The following PTPDC1 variants were observed in gnomAD, a reference collection of about 807,000 sequenced individuals.
PTPDC1 encodes protein tyrosine phosphatase domain containing 1, also known as protein tyrosine phosphatase domain-containing protein 1.
In PTPDC1, 53 loss-of-function variants were observed where a neutral mutation model predicts 75.3. That is an observed-to-expected ratio of 0.70 (90% CI 0.56 to 0.88). The LOEUF is 0.88. Ranked by LOEUF, PTPDC1 falls within the 40% of genes least tolerant of loss-of-function variation. The pLI, the probability that PTPDC1 is intolerant of heterozygous loss-of-function variation, is 0.00. For synonymous variants in PTPDC1, 349 were observed against 366.2 expected (o/e 0.95, Z 0.54); for missense variants, 925 against 998.6 (o/e 0.93, Z 0.99).
Position 94,097,647 on chromosome 9 carries a change from A to G in PTPDC1, c.1081A>G (p.Met361Val), listed in dbSNP as rs937463178. 2 of 1,614,136 alleles carry G rather than the reference A, an allele frequency of 1.2e-6. No individual in the cohort carries two copies. The highest frequency in any genetic ancestry group is 1.7e-6 in the Non-Finnish European group (2 of 1,180,026). ...CTTAGCGGAGAACAGGCCAGTGATG[A>G]TGAAGGATGTGTCCGAAGGACCTGG... is the stretch of plus-strand genomic sequence containing the variant. ...LDLAENRPVM[M>V]KDVSEGPGLS... Residue 361 changes from methionine to valine, a missense_variant, in exon 6 of 9, where the codon ATG becomes GTG. Met to Val is a conservative substitution (Grantham distance 21, BLOSUM62 1). Transcript: ENST00000620992.
chr9:94,084,413 A>G (rs1826988155), upstream of PTPDC1: 2 of 1,466,170 alleles, frequency 1.4e-6, no homozygotes, highest in South Asian at 2.8e-5. Context: ...CCAGTCAGCC[A>G]ATCTGAATGG....
chr9:94,076,785 A>G (rs982435287), intron 2 of PTPDC1, among the ~76,000 whole-genome samples: 4 of 152,058 alleles, frequency 2.6e-5, no homozygotes, highest in Non-Finnish European at 5.9e-5. Context: ...GCTTCATTTT[A>G]TTTACCCACC....
chr9:94,075,551 AAGGCT>A (rs995450224), intron 2 of PTPDC1, among the ~76,000 whole-genome samples: 1 of 152,212 alleles, frequency 6.6e-6, no homozygotes, highest in African/African-American at 2.4e-5. Context: ...TTCTGGGTTG[AAGGCT>A]TCTGCAGCAC....
At chr9:94,085,504 G>A in intron 2 of PTPDC1, 82 bp downstream of exon 2, 2 of 1,479,630 alleles carry the variant, frequency 1.4e-6, no homozygotes, top group Non-Finnish European at 1.9e-6. Flanking sequence ...TGAAGTGTGG[G>A]AGGAGCAGTG....
chr9:94,091,596 A>G (rs1235326229), intron 4 of PTPDC1, among the ~76,000 whole-genome samples: 10 of 152,156 alleles, frequency 6.6e-5, no homozygotes, highest in Non-Finnish European at 1.5e-4. Context: ...TGCTGGCCTC[A>G]TAAAATGAGT....
intron 1 of PTPDC1, among the ~76,000 whole-genome samples, chr9:94,062,107 A>G (rs1298331392): frequency 6.6e-6 from 1 of 152,080 alleles, no homozygotes; most frequent in African/African-American, 2.4e-5. Flanking sequence ...TGACTTCTTG[A>G]ATGTTTTGCT....
intron 1 of PTPDC1, among the ~76,000 whole-genome samples, chr9:94,050,527 C>T (rs887639569): frequency 2.0e-5 from 3 of 152,184 alleles, no homozygotes; most frequent in African/African-American, 4.8e-5. Flanking sequence ...TGCAGAACAG[C>T]GATATTGCTG....
At chr9:94,089,229 C>A in intron 4 of PTPDC1, among the ~76,000 whole-genome samples, 1 of 117,602 alleles carries the variant, frequency 8.5e-6, no homozygotes, top group Non-Finnish European at 1.7e-5. Context: ...TCCCTCCCCC[C>A]TCCCCCCACC....
At position 94,109,579 on chromosome 9, in the gene PTPDC1, A is replaced by T. The variant is rs924333851; in HGVS notation, c.*1635A>T. On this transcript the variant is annotated 3_prime_UTR_variant, in exon 9 of 9. Coordinates refer to ENST00000620992, the MANE Select transcript of PTPDC1 (RefSeq NM_001253829.2). The stretch of plus-strand genomic sequence containing the variant: ...AGAAACAATTGCATTATATCCAAAG[A>T]TACACTATAAAAATAGAGTTTTTAC... 3.9e-5 allele frequency: 6 copies of T among 152,182 alleles called. No individual in the cohort carries two copies. Among genetic ancestry groups the T allele is most frequent in the Non-Finnish European group, 7.3e-5 (5 of 68,038 alleles). 9.4% of individuals were successfully genotyped at this position (152,182 alleles called of 1,614,324 possible). A position where few individuals can be genotyped will look rare whatever the true frequency, so the allele number is the denominator to read the frequency against.
chr9:94,033,730 T>C (rs761830446), intron 1 of PTPDC1, among the ~76,000 whole-genome samples: 4 of 152,252 alleles, frequency 2.6e-5, no homozygotes, highest in Admixed American at 1.3e-4. Context: ...GTTCCTATCC[T>C]GCTGTAATAT....
At chr9:94,051,516 A>G (rs1024610264) in intron 1 of PTPDC1, among the ~76,000 whole-genome samples, 10 of 152,168 alleles carry the variant, frequency 6.6e-5, no homozygotes, top group African/African-American at 2.4e-4. Context: ...ACTTTCTGGG[A>G]GAGATTATAG....
intron 2 of PTPDC1, among the ~76,000 whole-genome samples, chr9:94,065,930 A>G (rs761391844): frequency 3.9e-5 from 6 of 152,216 alleles, no homozygotes; most frequent in Non-Finnish European, 7.3e-5. Flanking sequence ...CCCCCTGAGT[A>G]ACTCTTCAGC....
upstream of PTPDC1, among the ~76,000 whole-genome samples, chr9:94,079,935 A>T (rs1826820681): frequency 6.6e-6 from 1 of 152,198 alleles, no homozygotes; most frequent in South Asian, 2.1e-4. Flanking sequence ...CAGGGTGAGG[A>T]GGAAATCCAT....
chr9:94,084,644 G>A lies in PTPDC1; in HGVS notation c.114G>A (p.Arg38=), dbSNP rs753914133. 46 of 1,613,336 alleles carry A rather than the reference G, an allele frequency of 2.9e-5. 1 individual carries two copies. The highest frequency in any genetic ancestry group is 6.7e-5 in the Admixed American group (4 of 59,962). Residue 38 remains arginine, a synonymous_variant, in exon 1 of 9, where the codon CGG becomes CGA. Transcript: ENST00000620992. The part of the protein sequence containing the change: ...SDPVLRLQQA[R]RGSGLGSGSA... ...CAGTACTGCGGCTGCAGCAGGCCCGGCGGGGCTCTGGCTTGGGCTCCGGCT... is the reference window on the plus strand; with the variant it reads ...CAGTACTGCGGCTGCAGCAGGCCCGACGGGGCTCTGGCTTGGGCTCCGGCT...
chr9:94,052,118 A>G (rs1367368939), intron 1 of PTPDC1, among the ~76,000 whole-genome samples: 1 of 152,192 alleles, frequency 6.6e-6, no homozygotes, highest in Non-Finnish European at 1.5e-5. Flanking sequence ...TTTTAAGTAT[A>G]CATTTCAGTG....
chr9:94,107,953 CGTGGT>C lies in PTPDC1; in HGVS notation c.*11_*15del, dbSNP rs750955689. 1 of 1,505,970 alleles carries C rather than the reference CGTGGT, an allele frequency of 6.6e-7. No homozygotes were observed. Among genetic ancestry groups the C allele is most frequent in the East Asian group, 2.3e-5 (1 of 43,214 alleles). 93.3% of individuals were successfully genotyped at this position (1,505,970 alleles called of 1,614,324 possible). A position where few individuals can be genotyped will look rare whatever the true frequency, so the allele number is the denominator to read the frequency against. On this transcript the variant is annotated 3_prime_UTR_variant, in exon 9 of 9. Transcript: ENST00000620992. ...CTAAGCCTGGCCTCTAGCTTTCACT[CGTGGT>C]GAATATTTCAGACCTAAAGATCCAG... is the stretch of plus-strand genomic sequence containing the variant.
At chr9:94,095,247 T>TCGCCG in intron 4 of PTPDC1, 70 bp from the exon 5 acceptor site, 5 of 1,145,650 alleles carry the variant, frequency 4.4e-6, no homozygotes, top group South Asian at 1.8e-5. Flanking sequence ...ATCTGTGTAC[T>TCGCCG]TTTCATTAGT....
intron 2 of PTPDC1, among the ~76,000 whole-genome samples, chr9:94,069,424 G>A (rs1404706169): frequency 6.6e-6 from 1 of 151,924 alleles, no homozygotes; most frequent in Non-Finnish European, 1.5e-5. Context: ...CATATAAGTG[G>A]ACCAGCTCAG....
At chr9:94,038,323 C>A in intron 1 of PTPDC1, 1 of 648,022 alleles carries the variant, frequency 1.5e-6, no homozygotes, top group South Asian at 1.6e-5. Flanking sequence ...TAGCTTATCT[C>A]AAAAAAAGCT....
Sources: gnomAD v4.1 joint callset for allele counts (sites outside exome capture counted in the v4.1 genomes callset) on GRCh38, gnomAD v4.1.1 for gene constraint, MANE v1.5 for transcripts, NCBI Gene and HGNC (gene_info 2026-07-23, HGNC 2026-07-21) for gene names.